RAB15: variants seen among roughly 807,000 people sequenced by gnomAD.
RAB15 encodes RAB15, member RAS oncogene family, also known as ras-related protein Rab-15.
Under a neutral mutation model 31.8 loss-of-function variants are expected in RAB15, and 13 were observed. The ratio of observed to expected loss-of-function variants is 0.41; its 90% CI spans 0.27 to 0.65. The LOEUF (loss-of-function observed/expected upper bound fraction) is 0.65, where lower values mean the gene tolerates loss of function less well. Ranked by LOEUF, RAB15 falls within the 30% of genes least tolerant of loss-of-function variation. The probability of loss-of-function intolerance (pLI) is 0.32; values close to 1 mark genes in which losing one functional copy is unlikely to be tolerated. For synonymous variants in RAB15, 100 were observed against 105.6 expected (o/e 0.95, Z 0.33); for missense variants, 220 against 277.3 (o/e 0.79, Z 1.47).
At chr14:64,956,416 AAAAAAAAAAG>A (rs1421335487) in intron 1 of RAB15, among the ~76,000 whole-genome samples, 6 of 152,042 alleles carry the variant, frequency 3.9e-5, no homozygotes, top group African/African-American at 1.4e-4. Flanking sequence ...ATCTCAAAAA[AAAAAAAAAAG>A]AAAAGAAAGG....
Position 64,952,593 on chromosome 14 carries a change from GA to G in RAB15, c.125-23del. 1 of 1,566,306 alleles carries G rather than the reference GA, an allele frequency of 6.4e-7. No homozygotes were observed. Among genetic ancestry groups the G allele is most frequent in the South Asian group, 1.1e-5 (1 of 90,060 alleles). On this transcript the variant is annotated intron_variant, in intron 1 of 6. Transcript: ENST00000533601. The surrounding 1 kb of genome is among the most constrained non-coding windows in gnomAD (Gnocchi z 4.2). ...ACACCTGAAGAAAGGAAGAAAGAAAGAAAGTTAGAAAGCGTACCCACGAGAA... is the reference window on the plus strand; with the variant it reads ...ACACCTGAAGAAAGGAAGAAAGAAAGAAGTTAGAAAGCGTACCCACGAGAA...
At chr14:64,967,983 A>G (rs1490554449) in intron 1 of RAB15, among the ~76,000 whole-genome samples, 1 of 151,890 alleles carries the variant, frequency 6.6e-6, no homozygotes. Flanking sequence ...TTAGTACCCT[A>G]CTCAAAACCC....
chr14:64,968,664 G>A lies in RAB15; in HGVS notation c.124+3289C>T, dbSNP rs1205314569. On this transcript the variant is annotated intron_variant, in intron 1 of 6. Transcript: ENST00000533601. This position sits in a 1 kb window ranked among gnomAD's most constrained non-coding sequence, Gnocchi z 4.9. Reference sequence around the variant, plus strand: ...TCCCTTTGTCTTGCCTCCCCATCTAGGTTATGGGCTTCTGTGGGCAGAAAA... The same window carrying A: ...TCCCTTTGTCTTGCCTCCCCATCTAAGTTATGGGCTTCTGTGGGCAGAAAA... Among the ~76,000 whole-genome samples, 1 of 152,194 alleles carries A rather than the reference G, an allele frequency of 6.6e-6. No homozygotes were observed. Among genetic ancestry groups the A allele is most frequent in the African/African-American group, 2.4e-5 (1 of 41,458 alleles).
rs1269347246 is a variant in RAB15, at chr14:64,971,424, C to G, written c.124+529G>C. ...GTCCTCCCCCAGGTGTCCCACCTTGCGGCTTACCTTCCCAACTCTGCCCTG... is the reference window on the plus strand; with the variant it reads ...GTCCTCCCCCAGGTGTCCCACCTTGGGGCTTACCTTCCCAACTCTGCCCTG... On this transcript the variant is annotated intron_variant, in intron 1 of 6. Transcript: ENST00000533601. The surrounding 1 kb of genome is among the most constrained non-coding windows in gnomAD (Gnocchi z 4.1). Among the ~76,000 whole-genome samples, 1 of 152,116 alleles carries G rather than the reference C, an allele frequency of 6.6e-6. No individual in the cohort carries two copies. Among genetic ancestry groups the G allele is most frequent in the South Asian group, 2.1e-4 (1 of 4,824 alleles).
In RAB15 at chr14:64,947,258, T is replaced by C. The variant is rs1885971737; in HGVS notation, c.*1096A>G. ...GCCCTGCTGTTGCTACATTCCCCTC[T>C]GCTGTGCAAACTGCTGTCCCTGGCC... On this transcript the variant is annotated 3_prime_UTR_variant, in exon 7 of 7. Transcript: ENST00000533601. The surrounding 1 kb of genome is among the most constrained non-coding windows in gnomAD (Gnocchi z 5.6). The C allele has an allele frequency of 6.6e-6, 1 of 152,552 alleles. No individual in the cohort carries two copies. Among genetic ancestry groups the C allele is most frequent in the African/African-American group, 2.4e-5 (1 of 41,458 alleles). 9.4% of individuals were successfully genotyped at this position (152,552 alleles called of 1,614,324 possible). A position where few individuals can be genotyped will look rare whatever the true frequency, so the allele number is the denominator to read the frequency against.
At position 64,962,482 on chromosome 14, in the gene RAB15, C is replaced by A. The variant is rs1886915937; in HGVS notation, c.124+9471G>T. Among the ~76,000 whole-genome samples the A allele has an allele frequency of 6.6e-6, 1 of 152,120 alleles. No individual in the cohort carries two copies. Among genetic ancestry groups the A allele is most frequent in the Non-Finnish European group, 1.5e-5 (1 of 68,028 alleles). On this transcript the variant is annotated intron_variant, in intron 1 of 6. Coordinates refer to ENST00000533601, the MANE Select transcript of RAB15 (RefSeq NM_001308154.2). This position sits in a 1 kb window ranked among gnomAD's most constrained non-coding sequence, Gnocchi z 4.2. ...GGAAGACAGATGTAAGTAATGAATA[C>A]CTAATTTCAGAGAGCCATATGTGAT...
chr14:64,949,735 A>G (rs1181147327), intron 5 of RAB15, among the ~76,000 whole-genome samples: 1 of 151,052 alleles, frequency 6.6e-6, no homozygotes, highest in South Asian at 2.1e-4. Context: ...AAAAAAAAAA[A>G]AAAAGAAAGA....
Position 64,953,923 on chromosome 14 carries a change from T to TC in RAB15, c.125-1353dup. ...CCCAGAAGGCCTGAAGGCACCAGCATCCCCATCACCACTGCCACTCCACCT... is the reference window on the plus strand; with the variant it reads ...CCCAGAAGGCCTGAAGGCACCAGCATCCCCCATCACCACTGCCACTCCACCT... On this transcript the variant is annotated intron_variant, in intron 1 of 6. Coordinates refer to ENST00000533601, the MANE Select transcript of RAB15 (RefSeq NM_001308154.2). The surrounding 1 kb of genome is among the most constrained non-coding windows in gnomAD (Gnocchi z 4.6). 2.0e-6 allele frequency: 2 copies of TC among 985,388 alleles called. No individual in the cohort carries two copies. Among genetic ancestry groups the TC allele is most frequent in the Non-Finnish European group, 2.4e-6 (2 of 829,918 alleles). The allele number at this position is 985,388 out of a possible 1,614,324, so 61.0% of individuals were successfully genotyped here.
Position 64,970,880 on chromosome 14 carries a change from G to C in RAB15, c.124+1073C>G, listed in dbSNP as rs1887381660. ...CTGCTCCTACTTCTCTCTCAGCAAG[G>C]AATGTGTGTTGGGGGGAGGGGGGAT... On this transcript the variant is annotated intron_variant, in intron 1 of 6. Coordinates refer to ENST00000533601, the MANE Select transcript of RAB15 (RefSeq NM_001308154.2). The surrounding 1 kb of genome is among the most constrained non-coding windows in gnomAD (Gnocchi z 4.1). Among the ~76,000 whole-genome samples, 1 of 152,112 alleles carries C rather than the reference G, an allele frequency of 6.6e-6. No homozygotes were observed. Among genetic ancestry groups the C allele is most frequent in the Non-Finnish European group, 1.5e-5 (1 of 68,024 alleles).
intron 1 of RAB15, among the ~76,000 whole-genome samples, chr14:64,965,092 C>T (rs1354944258): frequency 1.3e-5 from 2 of 152,224 alleles, no homozygotes; most frequent in African/African-American, 4.8e-5. Flanking sequence ...ACTACAGGCA[C>T]ATGCCACCAT....
intron 1 of RAB15, among the ~76,000 whole-genome samples, chr14:64,956,347 G>C (rs544444244): frequency 6.6e-6 from 1 of 151,416 alleles, no homozygotes; most frequent in East Asian, 1.9e-4. Flanking sequence ...GGAGGCAGAG[G>C]CTGCAGTGAG....
chr14:64,951,801 G>C lies in RAB15; in HGVS notation c.186-138C>G. ...CCAGGGATGCTTGGATCCCCACAGG[G>C]ATCTGCAGTCAGAGGCCTGGTCATC... On this transcript the variant is annotated intron_variant, in intron 2 of 6. Coordinates refer to ENST00000533601, the MANE Select transcript of RAB15 (RefSeq NM_001308154.2). This position sits in a 1 kb window ranked among gnomAD's most constrained non-coding sequence, Gnocchi z 7.2. 1 of 741,926 alleles carries C rather than the reference G, an allele frequency of 1.3e-6. No individual in the cohort carries two copies. The highest frequency in any genetic ancestry group is 2.4e-6 in the Non-Finnish European group (1 of 423,234). 46.0% of individuals were successfully genotyped at this position (741,926 alleles called of 1,614,324 possible).
Position 64,971,726 on chromosome 14 carries a change from C to T in RAB15, c.124+227G>A. The T allele has an allele frequency of 1.8e-6, 1 of 560,854 alleles. No individual in the cohort carries two copies. The highest frequency in any genetic ancestry group is 3.2e-6 in the Non-Finnish European group (1 of 314,030). The allele number at this position is 560,854 out of a possible 1,614,324, so 34.7% of individuals were successfully genotyped here. A position where few individuals can be genotyped will look rare whatever the true frequency, so the allele number is the denominator to read the frequency against. Reference sequence around the variant, plus strand: ...CTCGGTTTGATGGGACGGAAGGCTTCCCGGCAAGAGGCGGGAGACCCCACC... The same window carrying T: ...CTCGGTTTGATGGGACGGAAGGCTTTCCGGCAAGAGGCGGGAGACCCCACC... On this transcript the variant is annotated intron_variant, in intron 1 of 6. Transcript: ENST00000533601. This position sits in a 1 kb window ranked among gnomAD's most constrained non-coding sequence, Gnocchi z 4.1.
rs1011622703 is a variant in RAB15, at chr14:64,946,035, C to T, written c.*2319G>A. The T allele has an allele frequency of 6.6e-6, 1 of 152,594 alleles. No individual in the cohort carries two copies. The highest frequency in any genetic ancestry group is 1.5e-5 in the Non-Finnish European group (1 of 68,052). 9.5% of individuals were successfully genotyped at this position (152,594 alleles called of 1,614,324 possible). A position where few individuals can be genotyped will look rare whatever the true frequency, so the allele number is the denominator to read the frequency against. ...AAACAGGCCAGCAGAGCCTGGTTAA[C>T]AGTCTGGGCCTCAAGACATGCCCCA... On this transcript the variant is annotated 3_prime_UTR_variant, in exon 7 of 7. Transcript: ENST00000533601.
intron 1 of RAB15, among the ~76,000 whole-genome samples, chr14:64,959,217 A>G (rs971871061): frequency 7.9e-5 from 12 of 152,228 alleles, no homozygotes; most frequent in African/African-American, 2.7e-4. Flanking sequence ...CCATGGGTCC[A>G]GACCAGACTC....
At chr14:64,967,721 C>A (rs1887213190) in intron 1 of RAB15, among the ~76,000 whole-genome samples, 1 of 152,206 alleles carries the variant, frequency 6.6e-6, no homozygotes, top group African/African-American at 2.4e-5. Flanking sequence ...ACATAGATGT[C>A]CATGTATGAC....
Position 64,972,189 on chromosome 14 carries a change from G to T in RAB15, c.-113C>A. 4 of 817,408 alleles carry T rather than the reference G, an allele frequency of 4.9e-6. No individual in the cohort carries two copies. Among genetic ancestry groups the T allele is most frequent in the East Asian group, 8.7e-5 (1 of 11,466 alleles). 50.6% of individuals were successfully genotyped at this position (817,408 alleles called of 1,614,324 possible). On this transcript the variant is annotated 5_prime_UTR_variant, in exon 1 of 7. Coordinates refer to ENST00000533601, the MANE Select transcript of RAB15 (RefSeq NM_001308154.2). The surrounding 1 kb of genome is among the most constrained non-coding windows in gnomAD (Gnocchi z 6.3). ...GGACGCTGCGGGCGGCGAGGAGGAC[G>T]CCGGGCCCGGCCCCCGCGGCTGCCT...
At position 64,962,341 on chromosome 14, in the gene RAB15, C is replaced by A. The variant is rs556585121; in HGVS notation, c.124+9612G>T. Among the ~76,000 whole-genome samples, 17 of 152,364 alleles carry A rather than the reference C, an allele frequency of 1.1e-4. No individual in the cohort carries two copies. The highest frequency in any genetic ancestry group is 7.2e-4 in the Admixed American group (11 of 15,298). ...TCATTCATTCCTTCATTTGTTAATTCATTCATTCAAACTGTTATTGAATGC... is the reference window on the plus strand; with the variant it reads ...TCATTCATTCCTTCATTTGTTAATTAATTCATTCAAACTGTTATTGAATGC... On this transcript the variant is annotated intron_variant, in intron 1 of 6. Coordinates refer to ENST00000533601, the MANE Select transcript of RAB15 (RefSeq NM_001308154.2). This position sits in a 1 kb window ranked among gnomAD's most constrained non-coding sequence, Gnocchi z 4.2.
Position 64,971,858 on chromosome 14 carries a change from A to G in RAB15, c.124+95T>C. On this transcript the variant is annotated intron_variant, in intron 1 of 6. Coordinates refer to ENST00000533601, the MANE Select transcript of RAB15 (RefSeq NM_001308154.2). The surrounding 1 kb of genome is among the most constrained non-coding windows in gnomAD (Gnocchi z 4.1). Reference sequence around the variant, plus strand: ...CTCCGGCGCCACCGCCTCCAGCCGGAGGGGCTGGCAATTCCTCCCCAGCTG... The same window carrying G: ...CTCCGGCGCCACCGCCTCCAGCCGGGGGGGCTGGCAATTCCTCCCCAGCTG... The G allele has an allele frequency of 8.3e-7, 1 of 1,199,858 alleles. No homozygotes were observed. The highest frequency in any genetic ancestry group is 1.2e-6 in the Non-Finnish European group (1 of 862,534). The allele number at this position is 1,199,858 out of a possible 1,614,324, so 74.3% of individuals were successfully genotyped here. A position where few individuals can be genotyped will look rare whatever the true frequency, so the allele number is the denominator to read the frequency against.
Sources: gnomAD v4.1 joint callset for allele counts (sites outside exome capture counted in the v4.1 genomes callset) on GRCh38, gnomAD v4.1.1 for gene constraint, Gnocchi (gnomAD v3.1) non-coding constraint, MANE v1.5 for transcripts, NCBI Gene and HGNC (gene_info 2026-07-23, HGNC 2026-07-21) for gene names.